The following RBFOX1 variants were observed in gnomAD, a reference collection of about 807,000 sequenced individuals.
RBFOX1 encodes the protein RNA binding fox-1 homolog 1, also known as RNA binding protein fox-1 homolog 1.
A neutral mutation model predicts 57.7 loss-of-function variants in RBFOX1; 8 were observed. The ratio of observed to expected loss-of-function variants is 0.14; its 90% confidence interval spans 0.08 to 0.25. The LOEUF (loss-of-function observed/expected upper bound fraction) is 0.25. Ranked by LOEUF, RBFOX1 falls within the 10% of genes least tolerant of loss-of-function variation. The pLI, the probability that RBFOX1 is intolerant of heterozygous loss-of-function variation, is 1.00. For synonymous variants in RBFOX1, 326 were observed against 222.4 expected, an observed-to-expected ratio of 1.47 and a Z score of -4.15; for missense variants, 611 against 548.5, an observed-to-expected ratio of 1.11 and a Z score of -1.14.
At chr16:6,419,133 A>G (rs2093705664) in intron 2 of RBFOX1, among the ~76,000 whole-genome samples, 1 of 152,174 alleles carries the variant, frequency 6.6e-6, no homozygotes, top group South Asian at 2.1e-4. Flanking sequence ...TAAATTTTCT[A>G]AACCTTTTTC....
At chr16:6,698,060 C>G (rs576834030) in intron 3 of RBFOX1, among the ~76,000 whole-genome samples, 75 of 152,284 alleles carry the variant, frequency 4.9e-4, no homozygotes, top group African/African-American at 1.7e-3. Context: ...CCACTGCACA[C>G]TGTCTGTGAA....
intron 4 of RBFOX1, among the ~76,000 whole-genome samples, chr16:7,295,868 C>T (rs1341404474): frequency 2.0e-5 from 3 of 152,186 alleles, no homozygotes; most frequent in Non-Finnish European, 2.9e-5. Flanking sequence ...TTTATTAAGC[C>T]TCTCCTAAGT....
At chr16:5,741,223 C>T (rs1434803875) in intron 3 of RBFOX1, among the ~76,000 whole-genome samples, 4 of 152,126 alleles carry the variant, frequency 2.6e-5, no homozygotes, top group Non-Finnish European at 5.9e-5. Flanking sequence ...GGGGCTGCCA[C>T]GTCATTCCAA....
At chr16:7,657,328 G>T (rs928183271) in intron 12 of RBFOX1, among the ~76,000 whole-genome samples, 1 of 152,028 alleles carries the variant, frequency 6.6e-6, no homozygotes, top group Admixed American at 6.6e-5. Context: ...TTTTTGAGAC[G>T]GAGTCTTACT....
At chr16:6,938,413 G>C (rs1024720110) in intron 3 of RBFOX1, among the ~76,000 whole-genome samples, 1 of 152,184 alleles carries the variant, frequency 6.6e-6, no homozygotes, top group African/African-American at 2.4e-5. Context: ...TCGGAAAAAT[G>C]TAACTGTTAC....
At chr16:7,653,700 G>A (rs1336913849) in intron 11 of RBFOX1, 115 bp from the exon 12 acceptor site, 11 of 1,435,322 alleles carry the variant, frequency 7.7e-6, no homozygotes, top group Admixed American at 2.1e-5. Context: ...GGAAGCGGGC[G>A]GGGGTCCTGC....
intron 4 of RBFOX1, among the ~76,000 whole-genome samples, chr16:7,170,781 A>G (rs576934084): frequency 1.2e-4 from 18 of 152,178 alleles, no homozygotes; most frequent in Non-Finnish European, 1.9e-4. Flanking sequence ...GTCTTAGGGA[A>G]AACATGTAGC....
rs964596479 is a variant in RBFOX1 at position 7,013,627 on chromosome 16, G to A, written c.-15-38430G>A. Among the ~76,000 whole-genome samples, 5 of 152,294 alleles carry A rather than the reference G, an allele frequency of 3.3e-5. No homozygotes were observed. In the South Asian group the frequency reaches 1.0e-3, roughly 32 times the overall value. ...ACTAATGTTATATTACCTGGAATCA[G>A]GGAGGAGGGAGGATGCCATTAACAA... On this transcript the variant is annotated intron_variant, in intron 3 of 15. Coordinates refer to ENST00000550418, the MANE Select transcript of RBFOX1 (RefSeq NM_018723.4).
At chr16:5,665,099 C>T (rs1445586772) in intron 3 of RBFOX1, among the ~76,000 whole-genome samples, 1 of 145,758 alleles carries the variant, frequency 6.9e-6, no homozygotes, top group Non-Finnish European at 1.5e-5. Flanking sequence ...GTGTGCACCA[C>T]CATGGCTGGC....
intron 5 of RBFOX1, among the ~76,000 whole-genome samples, chr16:7,532,639 C>T (rs529091771): frequency 1.1e-4 from 17 of 152,332 alleles, no homozygotes; most frequent in African/African-American, 3.6e-4. Context: ...AGGCTTTTAA[C>T]ATCAGCAGAA....
chr16:6,028,021 T>C (rs1402519156), intron 1 of RBFOX1, among the ~76,000 whole-genome samples: 2 of 152,152 alleles, frequency 1.3e-5, no homozygotes, highest in Admixed American at 6.5e-5. Flanking sequence ...AGAGGGCTGA[T>C]TCAGCAACAG....
At chr16:6,760,590 T>A (rs1416501044) in intron 3 of RBFOX1, among the ~76,000 whole-genome samples, 2 of 152,218 alleles carry the variant, frequency 1.3e-5, no homozygotes, top group Non-Finnish European at 2.9e-5. Context: ...TGATCTTGTT[T>A]TGCGTTGGTA....
intron 1 of RBFOX1, among the ~76,000 whole-genome samples, chr16:6,081,926 C>G (rs187843136): frequency 1.3e-5 from 2 of 152,268 alleles, no homozygotes; most frequent in East Asian, 3.9e-4. Flanking sequence ...ATTCCAGGTC[C>G]TGCATGAGTG....
chr16:5,352,060 C>A (rs1181342189), intron 1 of RBFOX1, among the ~76,000 whole-genome samples: 1 of 152,212 alleles, frequency 6.6e-6, no homozygotes, highest in Admixed American at 6.5e-5. Flanking sequence ...CCCGCCTCAG[C>A]CTCCCAAAGT....
intron 4 of RBFOX1, among the ~76,000 whole-genome samples, chr16:7,330,518 GTGTGTGT>G (rs2096674232): frequency 1.5e-5 from 2 of 133,370 alleles, no homozygotes; most frequent in Non-Finnish European, 1.6e-5. Flanking sequence ...GTTTGTGTGT[GTGTGTGT>G]AGAGAGAGAG....
At chr16:7,393,602 C>A (rs574223922) in intron 4 of RBFOX1, among the ~76,000 whole-genome samples, 1 of 152,152 alleles carries the variant, frequency 6.6e-6, no homozygotes, top group South Asian at 2.1e-4. Flanking sequence ...CAGGATAAGG[C>A]AGAGGAAGGT....
At chr16:7,655,142 A>G (rs1463215238) in intron 12 of RBFOX1, among the ~76,000 whole-genome samples, 1 of 152,222 alleles carries the variant, frequency 6.6e-6, no homozygotes, top group Non-Finnish European at 1.5e-5. Flanking sequence ...ACTCATGACA[A>G]AAAGAAACAC....
chr16:5,406,240 C>T (rs903208806), intron 1 of RBFOX1, among the ~76,000 whole-genome samples: 1 of 152,046 alleles, frequency 6.6e-6, no homozygotes, highest in African/African-American at 2.4e-5. Flanking sequence ...GATTTCCAGA[C>T]AAGAATAGCG....
chr16:5,990,884 G>C (rs192712644), intron 4 of RBFOX1, among the ~76,000 whole-genome samples: 1 of 152,170 alleles, frequency 6.6e-6, no homozygotes, highest in Non-Finnish European at 1.5e-5. Flanking sequence ...TGAGGCAGGA[G>C]ACTCGCTTGA....
Sources: gnomAD v4.1 joint callset for allele counts (sites outside exome capture counted in the v4.1 genomes callset) on GRCh38, gnomAD v4.1.1 for gene constraint, MANE v1.5 for transcripts, NCBI Gene and HGNC (gene_info 2026-07-23, HGNC 2026-07-21) for gene names.